The following PLXNA3 variants were observed in gnomAD, a reference collection of about 807,000 sequenced individuals.
PLXNA3 encodes the protein plexin-A3.
PLXNA3 carries 52 observed loss-of-function variants against 118.8 expected under a neutral mutation model. The observed-to-expected ratio is 0.44, with a 90% CI of 0.35 to 0.55. The LOEUF (loss-of-function observed/expected upper bound fraction) is 0.55, where lower values mean the gene tolerates loss of function less well. Ranked by LOEUF, PLXNA3 falls within the 20% of genes least tolerant of loss-of-function variation. PLXNA3 has a pLI of 0.01. For missense variants in PLXNA3, 1,660 were observed against 1,730.8 expected (o/e 0.96, Z 0.73); for synonymous variants, 925 against 762.4 (o/e 1.21, Z -3.51).
At position 154,467,102 on chromosome X, in the gene PLXNA3, C is replaced by G. The variant is rs781992913; in HGVS notation, c.3153C>G (p.Val1051=). 1 of 1,210,639 alleles carries G rather than the reference C, an allele frequency of 8.3e-7. No homozygotes were observed. Among genetic ancestry groups the G allele is most frequent in the South Asian group, 1.8e-5 (1 of 57,000 alleles). Residue 1051 remains valine (V), a synonymous_variant, in exon 18 of 33, where the codon GTC becomes GTG. Transcript: ENST00000369682. The part of the protein sequence containing the change: ...ITVSGTHLLT[V]QEPRVRAKYR... ...TGAGTGGGACCCACCTGCTGACGGT[C>G]CAGGAGCCCCGGGTCCGTGCCAAGT...
chrX:154,464,335 A>G (rs782289793), intron 8 of PLXNA3, 22 bp downstream of exon 8: 1 of 1,202,537 alleles, frequency 8.3e-7, no homozygotes, highest in South Asian at 1.8e-5. Context: ...GGGGCTGCCC[A>G]GGATGGGGCA....
Position 154,472,654 on chromosome X carries a change from A to G in PLXNA3, c.5585A>G (p.Gln1862Arg). The change falls in exon 33 of 33, where the codon CAG becomes CGG. Residue 1862 changes from glutamine to arginine, a missense_variant. Physicochemically the swap from Gln to Arg is conservative, Grantham distance 43. Around this residue, in one of 2 missense-constraint regions of PLXNA3, gnomAD observed 869 missense variants for 1,078.7 expected, o/e 0.81. Coordinates refer to ENST00000369682, the MANE Select transcript of PLXNA3 (RefSeq NM_017514.5). ...RKHKLRQKLEQIISLVSSDS is the reference protein window; with the variant it reads ...RKHKLRQKLERIISLVSSDS ...CATAAGTTGCGGCAGAAACTGGAAC[A>G]GATCATCAGCCTCGTGTCCAGCGAC... is the stretch of plus-strand genomic sequence containing the variant. 1 of 1,205,906 alleles carries G rather than the reference A, an allele frequency of 8.3e-7. No homozygotes were observed. Among genetic ancestry groups the G allele is most frequent in the Non-Finnish European group, 1.1e-6 (1 of 890,072 alleles).
rs782674649 is a variant in PLXNA3, at chrX:154,460,525, C to T, written c.342C>T (p.Ser114=). ...YAARRLVACG[S]IWQGICQFLR... ...CCCGCCGCCTGGTGGCCTGCGGCAG[C>T]ATCTGGCAGGGCATCTGCCAGTTCC... The change falls in exon 2 of 33, where the codon AGC becomes AGT. Residue 114 remains serine, a synonymous_variant. Coordinates refer to ENST00000369682, the MANE Select transcript of PLXNA3 (RefSeq NM_017514.5). 10 of 1,208,967 alleles carry T rather than the reference C, an allele frequency of 8.3e-6. No individual in the cohort carries two copies. Among genetic ancestry groups the T allele is most frequent in the Admixed American group, 2.2e-5 (1 of 45,957 alleles).
chrX:154,462,005 G>A (rs782739106), intron 3 of PLXNA3, 123 bp from the exon 4 acceptor site: 156 of 566,730 alleles, frequency 2.8e-4, no homozygotes, highest in Non-Finnish European at 4.0e-4. Flanking sequence ...AGGGCGAGCA[G>A]TCAGTCCTGG....
At chrX:154,461,747 G>C in intron 3 of PLXNA3, 109 bp downstream of exon 3, 13 of 802,542 alleles carry the variant, frequency 1.6e-5, no homozygotes, top group East Asian at 3.2e-5. Context: ...ATGGCCCTGG[G>C]AGTGGCACCT....
In PLXNA3 at chrX:154,468,275, A is replaced by G. The variant is rs782779538; in HGVS notation, c.3964-28A>G. 5 of 1,170,772 alleles carry G rather than the reference A, an allele frequency of 4.3e-6. No homozygotes were observed. The South Asian group carries it at 9.4e-5, about 22-fold the overall frequency. On this transcript the variant is annotated intron_variant, in intron 22 of 32. Transcript: ENST00000369682. ...CACCATTCCCTTCAGGGCCGCCCCC[A>G]CCCTCTGAGACCTCCTGCTCCCCAC...
rs1413879118 is a variant in PLXNA3 at position 154,477,762 on chromosome X, C to G, written c.*5077C>G. On this transcript the variant is annotated 3_prime_UTR_variant, in exon 33 of 33. Coordinates refer to ENST00000369682, the MANE Select transcript of PLXNA3 (RefSeq NM_017514.5). Reference sequence around the variant, plus strand: ...GGGAGGTGCCCCAGCTGCAAATAAACTCAGACTTGGAATAGTAGCGCAGTT... The same window carrying G: ...GGGAGGTGCCCCAGCTGCAAATAAAGTCAGACTTGGAATAGTAGCGCAGTT... 3.3e-5 allele frequency: 13 copies of G among 390,727 alleles called. No homozygotes were observed. The highest frequency in any genetic ancestry group is 5.4e-5 in the Non-Finnish European group (12 of 223,560). The allele number at this position is 390,727 out of a possible 1,213,427, so 32.2% of individuals were successfully genotyped here. A position where few individuals can be genotyped will look rare whatever the true frequency, so the allele number is the denominator to read the frequency against.
rs1034078296 is a variant in PLXNA3, at chrX:154,468,928, G to A, written c.4393G>A (p.Glu1465Lys). 8.3e-7 allele frequency: 1 copy of A among 1,211,966 alleles called. No homozygotes were observed. The highest frequency in any genetic ancestry group is 1.1e-6 in the Non-Finnish European group (1 of 895,632). The change falls in exon 25 of 33, where the codon GAG (glutamate) becomes AAG (lysine). Residue 1465 changes from glutamate (E) to lysine (K), a missense_variant. Glu to Lys is a moderately conservative substitution (Grantham distance 56, BLOSUM62 1). Coordinates refer to ENST00000369682, the MANE Select transcript of PLXNA3 (RefSeq NM_017514.5). ...GGGCGAGGCACGATACTCCCTGAGC[G>A]AGGACAAGCTCATCCGTCAGCAGAT... ...ITGEARYSLS[E>K]DKLIRQQIDY...
Position 154,469,982 on chromosome X carries a change from T to C in PLXNA3, c.4801T>C (p.Leu1601=). 8.3e-7 allele frequency: 1 copy of C among 1,210,609 alleles called. No homozygotes were observed. Among genetic ancestry groups the C allele is most frequent in the Non-Finnish European group, 1.1e-6 (1 of 894,864 alleles). The change falls in exon 29 of 33, where the codon TTG becomes CTG. Residue 1601 remains leucine (L), a synonymous_variant. Coordinates refer to ENST00000369682, the MANE Select transcript of PLXNA3 (RefSeq NM_017514.5). ...FTRSLSRYES[L]LRTASSPDSL... is the part of the protein sequence containing the mutation. ...ACATGCATTCTCTGCTCCAGAGAGCTTGCTCCGCACGGCCAGCAGCCCTGA... is the reference window on the plus strand; with the variant it reads ...ACATGCATTCTCTGCTCCAGAGAGCCTGCTCCGCACGGCCAGCAGCCCTGA...
chrX:154,466,283 C>T lies in PLXNA3; in HGVS notation c.2799+13C>T, dbSNP rs1557207071. The T allele has an allele frequency of 5.0e-6, 6 of 1,209,541 alleles. No individual in the cohort carries two copies. Among genetic ancestry groups the T allele is most frequent in the Admixed American group, 2.2e-5 (1 of 46,080 alleles). ...CTACAGCTTTGTGGTGCGTGGCTGCCGGCCCTACCCCTTCCTGTCCCTTCT... is the reference window on the plus strand; with the variant it reads ...CTACAGCTTTGTGGTGCGTGGCTGCTGGCCCTACCCCTTCCTGTCCCTTCT... On this transcript the variant is annotated intron_variant, in intron 15 of 32. Transcript: ENST00000369682.
rs367711234 is a variant in PLXNA3 at position 154,470,216 on chromosome X, G to A, written c.4986+49G>A. ...TTGGCCTCCGCCCAGAGGTTGTCCC[G>A]GCCTTACAGGGGAGGGGCCATGGAT... is the stretch of plus-strand genomic sequence containing the variant. On this transcript the variant is annotated intron_variant, in intron 29 of 32. Coordinates refer to ENST00000369682, the MANE Select transcript of PLXNA3 (RefSeq NM_017514.5). 3.1e-3 allele frequency: 3,555 copies of A among 1,129,611 alleles called. 3 individuals are homozygous for A. The highest frequency in any genetic ancestry group is 4.5e-3 in the Middle Eastern group (18 of 3,965). The allele number at this position is 1,129,611 out of a possible 1,213,427, so 93.1% of individuals were successfully genotyped here.
At chrX:154,461,068 C>T (rs1223070763) in intron 2 of PLXNA3, 31 bp from the exon 3 acceptor site, 6 of 1,155,017 alleles carry the variant, frequency 5.2e-6, no homozygotes. Context: ...CAGGGCCTCA[C>T]CGGATGCTGT....
intron 1 of PLXNA3, among the ~76,000 whole-genome samples, chrX:154,459,652 G>A (rs1557202891): frequency 8.9e-6 from 1 of 112,576 alleles, no homozygotes; most frequent in African/African-American, 3.2e-5. Flanking sequence ...GCCCCTGCAG[G>A]GGACATGGTG....
Position 154,466,004 on chromosome X carries a change from T to C in PLXNA3, c.2602T>C (p.Leu868=). 1 of 1,211,172 alleles carries C rather than the reference T, an allele frequency of 8.3e-7. No individual in the cohort carries two copies. The highest frequency in any genetic ancestry group is 2.3e-4 in the Middle Eastern group (1 of 4,348). ...VTIVGENLGL[L]SREVGLRVAG... ...CATCGTGGGTGAGAACCTGGGCCTC[T>C]TGTCCCGAGAGGTGGGCCTGCGGGT... Residue 868 remains leucine, a synonymous_variant, in exon 14 of 33, where the codon TTG becomes CTG. Coordinates refer to ENST00000369682, the MANE Select transcript of PLXNA3 (RefSeq NM_017514.5).
Position 154,470,597 on chromosome X carries a change from C to A in PLXNA3, c.5142C>A (p.Thr1714=). The stretch of plus-strand genomic sequence containing the variant: ...TCAGCGACCCCGATGTGCGCCACAC[C>A]TGGAAGAGCAACTGGTATCACCCCG... ...RQISDPDVRH[T]WKSNCLPLRF... is the part of the protein sequence containing the mutation. Residue 1714 remains threonine (T), a synonymous_variant, in exon 30 of 33, where the codon ACC becomes ACA. Coordinates refer to ENST00000369682, the MANE Select transcript of PLXNA3 (RefSeq NM_017514.5). The A allele has an allele frequency of 8.3e-7, 1 of 1,210,497 alleles. No individual in the cohort carries two copies. The highest frequency in any genetic ancestry group is 1.1e-6 in the Non-Finnish European group (1 of 894,791).
At position 154,469,697 on chromosome X, in the gene PLXNA3, G is replaced by A. The variant is rs782575034; in HGVS notation, c.4708G>A (p.Gly1570Ser). The change falls in exon 28 of 33, where the codon GGT (glycine) becomes AGT (serine). Residue 1570 changes from glycine (G) to serine (S), a missense_variant. Gly to Ser is a moderately conservative substitution (Grantham distance 56). Transcript: ENST00000369682. ...TCTCTGGGGCCTCCAGGTGACAGAC[G>A]GTTCCTTGGTGGCATTGGTGCCCAA... ...NSLAHYQVTD[G>S]SLVALVPKQV... 1.1e-5 allele frequency: 13 copies of A among 1,207,855 alleles called. No homozygotes were observed. The highest frequency in any genetic ancestry group is 1.5e-5 in the Non-Finnish European group (13 of 892,863).
At chrX:154,459,055 C>A (rs2068890040) in intron 1 of PLXNA3, among the ~76,000 whole-genome samples, 1 of 111,679 alleles carries the variant, frequency 9.0e-6, no homozygotes, top group South Asian at 3.8e-4. Context: ...TCAATCTGAG[C>A]TGAAACTTTG....
In PLXNA3 at chrX:154,461,353, C is replaced by T. The variant is rs145617684; in HGVS notation, c.849C>T (p.Ser283=). 2.0e-5 allele frequency: 24 copies of T among 1,211,383 alleles called. No homozygotes were observed. Among genetic ancestry groups the T allele is most frequent in the Non-Finnish European group, 2.6e-5 (23 of 895,469 alleles). Reference sequence around the variant, plus strand: ...ACGTGGAATTCCCCATCGGCTGCTCCTGGCGCGGCGTGGAGTACCGCTTGG... The same window carrying T: ...ACGTGGAATTCCCCATCGGCTGCTCTTGGCGCGGCGTGGAGTACCGCTTGG... ...YSYVEFPIGC[S]WRGVEYRLVQ... Residue 283 remains serine (S), a synonymous_variant, in exon 3 of 33, where the codon TCC becomes TCT. Coordinates refer to ENST00000369682, the MANE Select transcript of PLXNA3 (RefSeq NM_017514.5).
chrX:154,461,197 C>G lies in PLXNA3; in HGVS notation c.693C>G (p.Val231=). Residue 231 remains valine (V), a synonymous_variant, in exon 3 of 33, where the codon GTC becomes GTG. Coordinates refer to ENST00000369682, the MANE Select transcript of PLXNA3 (RefSeq NM_017514.5). ...ACATCTACTACATCTACGGCTTCGT[C>G]AGCGCCTCCTTCGTGTACTTCCTGA... ...AFDIYYIYGF[V]SASFVYFLTL... The G allele has an allele frequency of 8.2e-7, 1 of 1,212,187 alleles. No individual in the cohort carries two copies. Among genetic ancestry groups the G allele is most frequent in the Non-Finnish European group, 1.1e-6 (1 of 895,213 alleles).
Sources: gnomAD v4.1 joint callset for allele counts (sites outside exome capture counted in the v4.1 genomes callset) on GRCh38, gnomAD v4.1.1 for gene constraint, gnomAD v4.1.1 regional missense constraint, MANE v1.5 for transcripts, NCBI Gene and HGNC (gene_info 2026-07-23, HGNC 2026-07-21) for gene names.